Variants in PLPPR2 observed in about 807,000 individuals in gnomAD.
The protein encoded by PLPPR2 is phospholipid phosphatase-related protein type 2.
PLPPR2 carries 11 observed loss-of-function variants against 40.3 expected under a neutral mutation model. That is an observed-to-expected ratio of 0.27 (90% confidence interval 0.17 to 0.45). The LOEUF (loss-of-function observed/expected upper bound fraction) is 0.45, where lower values mean the gene tolerates loss of function less well. PLPPR2 is among the 20% of genes least tolerant of loss of function. The pLI is 1.00. For synonymous variants in PLPPR2, 260 were observed against 290.8 expected (o/e 0.89, Z 1.08); for missense variants, 497 against 640.7 (o/e 0.78, Z 2.42).
At position 11,364,578 on chromosome 19, in the gene PLPPR2, TG is replaced by T; in HGVS notation, c.1248del (p.Thr418ArgfsTer10). 1 of 1,537,112 alleles carries T rather than the reference TG, an allele frequency of 6.5e-7. No individual in the cohort carries two copies. The highest frequency in any genetic ancestry group is 1.2e-5 in the South Asian group (1 of 84,072). Reference protein sequence around the residue: ...GGGGRGRKLLLPTPLLRDLYT... With the variant: ...GGGGRGRKLLXPTPLLRDLYT... ...GGTGGACGTGGCCGGAAGCTGCTGC[TG>T]CCCACGCCCCTGCTGCGGGACCTGT... On this transcript the variant is annotated frameshift_variant, in exon 10 of 10. Transcript: ENST00000688289. LOFTEE classifies it high-confidence loss of function. This position sits in a 1 kb window ranked among gnomAD's most constrained non-coding sequence, Gnocchi z 5.8.
chr19:11,361,537 G>C lies in PLPPR2; in HGVS notation c.663+49G>C. 6.5e-7 allele frequency: 1 copy of C among 1,545,780 alleles called. No homozygotes were observed. The highest frequency in any genetic ancestry group is 8.7e-7 in the Non-Finnish European group (1 of 1,150,132). Reference sequence around the variant, plus strand: ...CGGAAATGGGTGTGCAGGCTGGACAGCGACCAGCAGCTAGGAAGCCGCCAG... The same window carrying C: ...CGGAAATGGGTGTGCAGGCTGGACACCGACCAGCAGCTAGGAAGCCGCCAG... On this transcript the variant is annotated intron_variant, in intron 6 of 9. Transcript: ENST00000688289. The surrounding 1 kb of genome is among the most constrained non-coding windows in gnomAD (Gnocchi z 6.3).
At position 11,363,847 on chromosome 19, in the gene PLPPR2, C is replaced by T. The variant is rs1193429802; in HGVS notation, c.963+12C>T. 4.3e-6 allele frequency: 7 copies of T among 1,611,114 alleles called. No individual in the cohort carries two copies. The highest frequency in any genetic ancestry group is 1.3e-5 in the African/African-American group (1 of 74,832). On this transcript the variant is annotated intron_variant, in intron 8 of 9. Coordinates refer to ENST00000688289, the MANE Select transcript of PLPPR2 (RefSeq NM_001393892.1). The surrounding 1 kb of genome is among the most constrained non-coding windows in gnomAD (Gnocchi z 4.8). Reference sequence around the variant, plus strand: ...TAAGTGTGGCGCAGGTAAGGGGGGCCGGGGGCTGCTCCCGGCTGGAGAGGG... The same window carrying T: ...TAAGTGTGGCGCAGGTAAGGGGGGCTGGGGGCTGCTCCCGGCTGGAGAGGG...
At chr19:11,358,166 T>C (rs1599400892) in intron 3 of PLPPR2, among the ~76,000 whole-genome samples, 2 of 152,092 alleles carry the variant, frequency 1.3e-5, no homozygotes, top group South Asian at 2.1e-4. Flanking sequence ...GCAATTCTCC[T>C]ACCTCAGCGT....
chr19:11,359,908 G>A lies in PLPPR2; in HGVS notation c.343G>A (p.Ala115Thr), dbSNP rs746549668. 1 of 1,612,990 alleles carries A rather than the reference G, an allele frequency of 6.2e-7. No homozygotes were observed. Among genetic ancestry groups the A allele is most frequent in the Admixed American group, 1.7e-5 (1 of 59,958 alleles). The stretch of plus-strand genomic sequence containing the variant: ...CGGGGAGAGCACCATCGTGTCTGGG[G>A]CCTGCTGCCGCTTCAGCCCCCCAGT... ...VIGESTIVSG[A>T]CCRFSPPVRR... is the part of the protein sequence containing the mutation. Residue 115 changes from alanine (A) to threonine (T), a missense_variant, in exon 5 of 10, where the codon GCC becomes ACC. Transcript: ENST00000688289. This position sits in a 1 kb window ranked among gnomAD's most constrained non-coding sequence, Gnocchi z 5.6.
chr19:11,362,758 C>A lies in PLPPR2; in HGVS notation c.840+69C>A. On this transcript the variant is annotated intron_variant, in intron 7 of 9. Coordinates refer to ENST00000688289, the MANE Select transcript of PLPPR2 (RefSeq NM_001393892.1). This position sits in a 1 kb window ranked among gnomAD's most constrained non-coding sequence, Gnocchi z 5.3. ...AGCTCTCTGACCCAAGAGGCAGGAC[C>A]ACATGATGGAGAAGGGTGTGGACTC... 6.5e-7 allele frequency: 1 copy of A among 1,529,672 alleles called. No homozygotes were observed. The highest frequency in any genetic ancestry group is 8.9e-7 in the Non-Finnish European group (1 of 1,128,106). The allele number at this position is 1,529,672 out of a possible 1,614,324, so 94.8% of individuals were successfully genotyped here.
In PLPPR2 at chr19:11,361,353, G is replaced by A. The variant is rs201568091; in HGVS notation, c.528G>A (p.Pro176=). 43 of 1,612,996 alleles carry A rather than the reference G, an allele frequency of 2.7e-5. No individual in the cohort carries two copies. The East Asian group carries it at 7.4e-4, about 28-fold the overall frequency. ...CCCTGGGCTGCCTGCCACCTTCTCC[G>A]GATCGGCCAGGTCCCGACCGCTTTG... ...YTALGCLPPS[P]DRPGPDRFVT... The change falls in exon 6 of 10, where the codon CCG becomes CCA. Residue 176 remains proline, a synonymous_variant. Transcript: ENST00000688289. The surrounding 1 kb of genome is among the most constrained non-coding windows in gnomAD (Gnocchi z 6.3).
intron 1 of PLPPR2, among the ~76,000 whole-genome samples, 187 bp from the exon 2 acceptor site, chr19:11,356,615 C>T (rs1967888076): frequency 6.6e-6 from 1 of 151,036 alleles, no homozygotes; most frequent in African/African-American, 2.4e-5. Context: ...GCCTGGAAGT[C>T]GGCAGGTGCT....
At position 11,364,790 on chromosome 19, in the gene PLPPR2, A is replaced by T. The variant is rs1271153220; in HGVS notation, c.*100A>T. Reference sequence around the variant, plus strand: ...GAGTGCCAAAGTCCCCTGCCCCCCAAGCCAGCCAGACCCAGACATTAGAAG... The same window carrying T: ...GAGTGCCAAAGTCCCCTGCCCCCCATGCCAGCCAGACCCAGACATTAGAAG... On this transcript the variant is annotated 3_prime_UTR_variant, in exon 10 of 10. Coordinates refer to ENST00000688289, the MANE Select transcript of PLPPR2 (RefSeq NM_001393892.1). This position sits in a 1 kb window ranked among gnomAD's most constrained non-coding sequence, Gnocchi z 5.8. The T allele has an allele frequency of 3.0e-6, 4 of 1,340,118 alleles. No homozygotes were observed. The East Asian group carries it at 1.0e-4, about 34-fold the overall frequency. The allele number at this position is 1,340,118 out of a possible 1,614,324, so 83.0% of individuals were successfully genotyped here. A position where few individuals can be genotyped will look rare whatever the true frequency, so the allele number is the denominator to read the frequency against.
rs1967977703 is a variant in PLPPR2 at position 11,359,250 on chromosome 19, G to A, written c.67-282G>A. On this transcript the variant is annotated intron_variant, in intron 3 of 9. Transcript: ENST00000688289. This position sits in a 1 kb window ranked among gnomAD's most constrained non-coding sequence, Gnocchi z 5.6. ...GAGCTCAAGGGATCCTCTTGCCTATGCCTCCCAAAGTGCTGGAATTACAGG... is the reference window on the plus strand; with the variant it reads ...GAGCTCAAGGGATCCTCTTGCCTATACCTCCCAAAGTGCTGGAATTACAGG... 6.6e-6 allele frequency among the ~76,000 whole-genome samples: 1 copy of A among 152,102 alleles called. No homozygotes were observed. The highest frequency in any genetic ancestry group is 2.4e-5 in the African/African-American group (1 of 41,410).
chr19:11,362,315 C>CGT lies in PLPPR2; in HGVS notation c.664-198_664-197insGT. The CGT allele has an allele frequency of 1.7e-6, 1 of 587,808 alleles. No individual in the cohort carries two copies. Among genetic ancestry groups the CGT allele is most frequent in the Non-Finnish European group, 3.0e-6 (1 of 333,922 alleles). 36.4% of individuals were successfully genotyped at this position (587,808 alleles called of 1,614,324 possible). ...CCCACGAGACTCCAAGACCTCAATC[C>CGT]CTGACCCCCCCCCCTTTGCCTTTTT... On this transcript the variant is annotated intron_variant, in intron 6 of 9. Coordinates refer to ENST00000688289, the MANE Select transcript of PLPPR2 (RefSeq NM_001393892.1). This position sits in a 1 kb window ranked among gnomAD's most constrained non-coding sequence, Gnocchi z 5.3.
In PLPPR2 at chr19:11,363,375, A is replaced by AGGG. The variant is rs1968104475; in HGVS notation, c.841-336_841-335insGGG. 6.6e-6 allele frequency among the ~76,000 whole-genome samples: 1 copy of AGGG among 151,836 alleles called. No individual in the cohort carries two copies. The highest frequency in any genetic ancestry group is 1.5e-5 in the Non-Finnish European group (1 of 67,964). Reference sequence around the variant, plus strand: ...TGAGGCAAGAGAGTTGCTTGAATCCAGGAGGTGGAGTTTGCAGTGAGCTGA... The same window carrying AGGG: ...TGAGGCAAGAGAGTTGCTTGAATCCAGGGGGAGGTGGAGTTTGCAGTGAGCTGA... On this transcript the variant is annotated intron_variant, in intron 7 of 9. Transcript: ENST00000688289. The surrounding 1 kb of genome is among the most constrained non-coding windows in gnomAD (Gnocchi z 4.8).
rs557505867 is a variant in PLPPR2 at position 11,364,920 on chromosome 19, A to T, written c.*230A>T. 3 of 590,216 alleles carry T rather than the reference A, an allele frequency of 5.1e-6. No individual in the cohort carries two copies. The highest frequency in any genetic ancestry group is 8.8e-6 in the Non-Finnish European group (3 of 338,988). 36.6% of individuals were successfully genotyped at this position (590,216 alleles called of 1,614,324 possible). ...ACTTGCCCCTACTATTGCCCTTTTAAGGGCCAAAGCTTGACCCCATTGGCC... is the reference window on the plus strand; with the variant it reads ...ACTTGCCCCTACTATTGCCCTTTTATGGGCCAAAGCTTGACCCCATTGGCC... On this transcript the variant is annotated 3_prime_UTR_variant, in exon 10 of 10. Transcript: ENST00000688289. This position sits in a 1 kb window ranked among gnomAD's most constrained non-coding sequence, Gnocchi z 5.8.
chr19:11,358,231 T>G (rs1314764748), intron 3 of PLPPR2, among the ~76,000 whole-genome samples: 1 of 152,070 alleles, frequency 6.6e-6, no homozygotes, highest in Non-Finnish European at 1.5e-5. Flanking sequence ...ATTTTTGTAC[T>G]TTTTGGTAGA....
rs1250049738 is a variant in PLPPR2 at position 11,357,825 on chromosome 19, C to T, written c.66+86C>T. 7.2e-6 allele frequency: 8 copies of T among 1,103,716 alleles called. No individual in the cohort carries two copies. The South Asian group carries it at 1.2e-4, about 16-fold the overall frequency. The allele number at this position is 1,103,716 out of a possible 1,614,324, so 68.4% of individuals were successfully genotyped here. On this transcript the variant is annotated intron_variant, in intron 3 of 9. Transcript: ENST00000688289. ...AGTCTCCTTATCTGTACCCACTTTTCCATCTCTGGGATCTCCCTTGCTGTC... is the reference window on the plus strand; with the variant it reads ...AGTCTCCTTATCTGTACCCACTTTTTCATCTCTGGGATCTCCCTTGCTGTC...
In PLPPR2 at chr19:11,361,673, G is replaced by T. The variant is rs2144675089; in HGVS notation, c.663+185G>T. Among the ~76,000 whole-genome samples the T allele has an allele frequency of 6.6e-6, 1 of 152,256 alleles. No homozygotes were observed. Among genetic ancestry groups the T allele is most frequent in the East Asian group, 1.9e-4 (1 of 5,176 alleles). On this transcript the variant is annotated intron_variant, in intron 6 of 9. Coordinates refer to ENST00000688289, the MANE Select transcript of PLPPR2 (RefSeq NM_001393892.1). This position sits in a 1 kb window ranked among gnomAD's most constrained non-coding sequence, Gnocchi z 6.3. ...CTCCCAGATCCTAGCCACGCCCCCA[G>T]TCAGAGGCTATCGCTGTCCATTGAC...
intron 5 of PLPPR2, 58 bp downstream of exon 5, chr19:11,360,014 GAA>G (rs1399105823): frequency 3.3e-6 from 5 of 1,526,696 alleles, no homozygotes; most frequent in South Asian, 2.5e-5. Flanking sequence ...GGGTATAGAA[GAA>G]AAGAGTCATG....
rs1392742604 is a variant in PLPPR2, at chr19:11,357,658, AG to A, written c.-14del. 1.3e-6 allele frequency: 2 copies of A among 1,598,256 alleles called. No homozygotes were observed. Among genetic ancestry groups the A allele is most frequent in the Non-Finnish European group, 8.5e-7 (1 of 1,172,270 alleles). ...ACTCCCACTCCCTCCCCACCTCTGCAGGCCTGGCCTTCACCATGGCGGGAGG... is the reference window on the plus strand; with the variant it reads ...ACTCCCACTCCCTCCCCACCTCTGCAGCCTGGCCTTCACCATGGCGGGAGG... On this transcript the variant is annotated splice_acceptor_variant, in intron 2 of 9. Transcript: ENST00000688289. LOFTEE classifies it low-confidence loss of function (5UTR_SPLICE).
At position 11,359,981 on chromosome 19, in the gene PLPPR2, C is replaced by T; in HGVS notation, c.391+25C>T. On this transcript the variant is annotated intron_variant, in intron 5 of 9. Transcript: ENST00000688289. This position sits in a 1 kb window ranked among gnomAD's most constrained non-coding sequence, Gnocchi z 5.6. ...GGTGAGAGACATGGCCTGGGGTCAG[C>T]CCCATGGTAATGGTGGGGAGGTGGG... is the stretch of plus-strand genomic sequence containing the variant. The T allele has an allele frequency of 6.3e-7, 1 of 1,575,230 alleles. No homozygotes were observed. The highest frequency in any genetic ancestry group is 1.3e-5 in the African/African-American group (1 of 74,132).
rs1411147059 is a variant in PLPPR2 at position 11,365,500 on chromosome 19, G to A, written c.*810G>A. The A allele has an allele frequency of 6.6e-6, 1 of 152,654 alleles. No individual in the cohort carries two copies. The highest frequency in any genetic ancestry group is 2.4e-5 in the African/African-American group (1 of 41,400). The allele number at this position is 152,654 out of a possible 1,614,324, so 9.5% of individuals were successfully genotyped here. ...CTTCTTTTTCTTGGAACCTGCCCCT[G>A]TTCTTCACACTGCCCCCCATGCCTC... On this transcript the variant is annotated 3_prime_UTR_variant, in exon 10 of 10. Coordinates refer to ENST00000688289, the MANE Select transcript of PLPPR2 (RefSeq NM_001393892.1).
Sources: gnomAD v4.1 joint callset for allele counts (sites outside exome capture counted in the v4.1 genomes callset) on GRCh38, gnomAD v4.1.1 for gene constraint, Gnocchi (gnomAD v3.1) non-coding constraint, MANE v1.5 for transcripts, NCBI Gene and HGNC (gene_info 2026-07-23, HGNC 2026-07-21) for gene names.